NDUFS7: variants seen among roughly 807,000 people sequenced by gnomAD.
NDUFS7 encodes the protein NADH dehydrogenase [ubiquinone] iron-sulfur protein 7, mitochondrial.
In NDUFS7, 11 loss-of-function variants were observed where a neutral mutation model predicts 31.1. The observed-to-expected ratio is 0.35, with a 90% CI of 0.22 to 0.59. The LOEUF is 0.59. Ranked by LOEUF, NDUFS7 falls within the 20% of genes least tolerant of loss-of-function variation. The probability of loss-of-function intolerance (pLI) is 0.79; values close to 1 mark genes in which losing one functional copy is unlikely to be tolerated. For missense variants in NDUFS7, 263 were observed against 324.2 expected, an observed-to-expected ratio of 0.81 and a Z score of 1.45; for synonymous variants, 136 against 127.9, an observed-to-expected ratio of 1.06 and a Z score of -0.43.
At position 1,391,059 on chromosome 19, in the gene NDUFS7, C is replaced by T. The variant is rs370280943; in HGVS notation, c.408+9C>T. ...CCCCAGCGCTTCGCAAGGTAGGCCT[C>T]GTCCCAGCCGCCCAGCCGCCCCCAG... On this transcript the variant is annotated intron_variant, in intron 5 of 7. Coordinates refer to ENST00000233627, the MANE Select transcript of NDUFS7 (RefSeq NM_024407.5). The T allele has an allele frequency of 2.8e-5, 45 of 1,612,956 alleles. No homozygotes were observed. The African/African-American group carries it at 3.6e-4, about 13-fold the overall frequency.
chr19:1,393,167 T>TG lies in NDUFS7; in HGVS notation c.456-71dup. 8.7e-7 allele frequency: 1 copy of TG among 1,148,064 alleles called. No individual in the cohort carries two copies. Among genetic ancestry groups the TG allele is most frequent in the South Asian group, 1.3e-5 (1 of 75,800 alleles). The allele number at this position is 1,148,064 out of a possible 1,614,324, so 71.1% of individuals were successfully genotyped here. A position where few individuals can be genotyped will look rare whatever the true frequency, so the allele number is the denominator to read the frequency against. On this transcript the variant is annotated intron_variant, in intron 6 of 7. Coordinates refer to ENST00000233627, the MANE Select transcript of NDUFS7 (RefSeq NM_024407.5). The surrounding 1 kb of genome is among the most constrained non-coding windows in gnomAD (Gnocchi z 7.3). ...GCCTGCAGTTGAAGGCGGGTGGGGA[T>TG]GGGGCGAGGCCTCGTGGAGGGAGGG...
intron 4 of NDUFS7, chr19:1,389,193 A>G: frequency 2.9e-6 from 2 of 689,126 alleles, no homozygotes; most frequent in Non-Finnish European, 5.3e-6. Flanking sequence ...ACACAAGCAC[A>G]TGTGCACACA....
In NDUFS7 at chr19:1,394,628, C is replaced by T. The variant is rs147288325; in HGVS notation, c.545-763C>T. The T allele has an allele frequency of 2.1e-4, 249 of 1,186,200 alleles. No individual in the cohort carries two copies. The African/African-American group carries it at 3.1e-3, about 15-fold the overall frequency. 73.5% of individuals were successfully genotyped at this position (1,186,200 alleles called of 1,614,324 possible). Reference sequence around the variant, plus strand: ...ACCGCGCCCCTCCCTCCCAGCGGACCGCGCTCCTCCCTCCCTGGGGACCTC... The same window carrying T: ...ACCGCGCCCCTCCCTCCCAGCGGACTGCGCTCCTCCCTCCCTGGGGACCTC... On this transcript the variant is annotated intron_variant, in intron 7 of 7. Transcript: ENST00000233627.
chr19:1,389,547 G>T (rs774489868), intron 4 of NDUFS7: 1 of 456,496 alleles, frequency 2.2e-6, no homozygotes, highest in Non-Finnish European at 4.4e-6. Context: ...TCTTTCTGGC[G>T]TCCGTGTGTT....
chr19:1,393,294 T>A lies in NDUFS7; in HGVS notation c.508T>A (p.Cys170Ser). 6.3e-7 allele frequency: 1 copy of A among 1,589,170 alleles called. No homozygotes were observed. The highest frequency in any genetic ancestry group is 1.8e-5 in the Admixed American group (1 of 56,704). ...YHYSYSVVRG[C>S]DRIVPVDIYI... is the part of the protein sequence containing the mutation. ...CTATTCCTACTCGGTGGTGAGGGGC[T>A]GCGACCGCATCGTGCCCGTGGACAT... The change falls in exon 7 of 8, where the codon TGC (cysteine) becomes AGC (serine). Residue 170 changes from cysteine to serine, a missense_variant. Transcript: ENST00000233627. This position sits in a 1 kb window ranked among gnomAD's most constrained non-coding sequence, Gnocchi z 7.3.
intron 4 of NDUFS7, chr19:1,389,204 CGCTTGCACACATACACACAT>C: frequency 1.5e-6 from 1 of 687,452 alleles, no homozygotes; most frequent in Non-Finnish European, 2.7e-6. Context: ...TGTGCACACA[CGCTTGCACACATACACACAT>C]GCACACTTGC....
At chr19:1,388,426 C>A in intron 2 of NDUFS7, 99 bp from the exon 3 acceptor site, 1 of 1,127,560 alleles carries the variant, frequency 8.9e-7, no homozygotes, top group Non-Finnish European at 1.3e-6. Context: ...TGAGAACAGT[C>A]TCGCAGCAGG....
At position 1,393,173 on chromosome 19, in the gene NDUFS7, G is replaced by A. The variant is rs1177149026; in HGVS notation, c.456-69G>A. On this transcript the variant is annotated intron_variant, in intron 6 of 7. Transcript: ENST00000233627. This position sits in a 1 kb window ranked among gnomAD's most constrained non-coding sequence, Gnocchi z 7.3. ...AGTTGAAGGCGGGTGGGGATGGGGC[G>A]AGGCCTCGTGGAGGGAGGGTGGGCA... is the stretch of plus-strand genomic sequence containing the variant. 3.4e-5 allele frequency: 45 copies of A among 1,314,724 alleles called. No homozygotes were observed. The highest frequency in any genetic ancestry group is 4.2e-5 in the Non-Finnish European group (40 of 942,304). The allele number at this position is 1,314,724 out of a possible 1,614,324, so 81.4% of individuals were successfully genotyped here.
chr19:1,388,669 C>A, intron 3 of NDUFS7, 76 bp downstream of exon 3: 1 of 1,509,854 alleles, frequency 6.6e-7, no homozygotes, highest in East Asian at 2.4e-5. Context: ...GCATCAGTGC[C>A]GCAGCCACTG....
At chr19:1,387,933 G>GGGCCCCCC in intron 2 of NDUFS7, 86 bp downstream of exon 2, 3 of 385,714 alleles carry the variant, frequency 7.8e-6, no homozygotes, top group East Asian at 8.5e-5. Context: ...GGGGTGGGGG[G>GGGCCCCCC]AGCGCCTTGT....
chr19:1,391,486 CTTT>C (rs11287297), intron 6 of NDUFS7, among the ~76,000 whole-genome samples: 92 of 122,674 alleles, frequency 7.5e-4, no homozygotes, highest in Non-Finnish European at 1.1e-3. Flanking sequence ...AGTTTTTTTT[CTTT>C]TTTTTTTTTT....
Position 1,394,499 on chromosome 19 carries a change from CCTT to C in NDUFS7, c.545-891_545-889del. 12 of 1,268,588 alleles carry C rather than the reference CCTT, an allele frequency of 9.5e-6. No homozygotes were observed. In the South Asian group the frequency reaches 1.3e-4, roughly 14 times the overall value. The allele number at this position is 1,268,588 out of a possible 1,614,324, so 78.6% of individuals were successfully genotyped here. A position where few individuals can be genotyped will look rare whatever the true frequency, so the allele number is the denominator to read the frequency against. On this transcript the variant is annotated intron_variant, in intron 7 of 7. Coordinates refer to ENST00000233627, the MANE Select transcript of NDUFS7 (RefSeq NM_024407.5). ...CTGTCTGGGGACTGCGCTCCTCCCT[CCTT>C]GGGGACCGTGCTCCTCCCTCCCTCC... is the stretch of plus-strand genomic sequence containing the variant.
At chr19:1,385,814 C>T (rs1188700141) in intron 1 of NDUFS7, among the ~76,000 whole-genome samples, 3 of 152,138 alleles carry the variant, frequency 2.0e-5, no homozygotes, top group East Asian at 3.8e-4. Context: ...AGCGAAACTC[C>T]GTCTCAAAAC....
Position 1,388,636 on chromosome 19 carries a change from C to T in NDUFS7, c.122+43C>T, listed in dbSNP as rs745812336. On this transcript the variant is annotated intron_variant, in intron 3 of 7. Transcript: ENST00000233627. Reference sequence around the variant, plus strand: ...GGGGAGGTCGTACCCCCTCGCCCCACCCCCATCCCTTCCTTATTTTCTGCA... The same window carrying T: ...GGGGAGGTCGTACCCCCTCGCCCCATCCCCATCCCTTCCTTATTTTCTGCA... 7 of 1,580,560 alleles carry T rather than the reference C, an allele frequency of 4.4e-6. No homozygotes were observed. The Admixed American group carries it at 8.5e-5, about 19-fold the overall frequency.
intron 1 of NDUFS7, among the ~76,000 whole-genome samples, chr19:1,385,539 C>T (rs1275340994): frequency 6.6e-6 from 1 of 151,058 alleles, no homozygotes; most frequent in Non-Finnish European, 1.5e-5. Flanking sequence ...AACAAACCAG[C>T]TGGGCGTGGT....
In NDUFS7 at chr19:1,390,775, A is replaced by G. The variant is rs1399320352; in HGVS notation, c.229-96A>G. On this transcript the variant is annotated intron_variant, in intron 4 of 7. Transcript: ENST00000233627. ...CACCTCTGCCGGCTGCCGCCCCGGG[A>G]CATGAGTCGGGGGTTCTGGGTGCTC... The G allele has an allele frequency of 9.9e-6, 14 of 1,416,288 alleles. No homozygotes were observed. In the Admixed American group the frequency reaches 2.3e-4, roughly 23 times the overall value. The allele number at this position is 1,416,288 out of a possible 1,614,324, so 87.7% of individuals were successfully genotyped here. A position where few individuals can be genotyped will look rare whatever the true frequency, so the allele number is the denominator to read the frequency against.
chr19:1,388,101 C>T (rs2082521961), intron 2 of NDUFS7: 3 of 608,844 alleles, frequency 4.9e-6, no homozygotes, highest in Non-Finnish European at 8.8e-6. Flanking sequence ...TCAGAGCTCA[C>T]CGCCACCTGG....
chr19:1,383,939 T>C lies in NDUFS7; in HGVS notation c.13T>C (p.Ser5Pro). 6.3e-7 allele frequency: 1 copy of C among 1,578,354 alleles called. No individual in the cohort carries two copies. Among genetic ancestry groups the C allele is most frequent in the South Asian group, 1.2e-5 (1 of 86,314 alleles). ...GGCCGAGGCCAAGATGGCGGTGCTG[T>C]CAGGTGAGCGCGGCACCGGCGGCGG... Reference protein sequence around the residue: MAVLSAPGLRGFRIL... With the variant: MAVLPAPGLRGFRIL... Residue 5 changes from serine (S) to proline (P), a missense_variant, in exon 1 of 8, where the codon TCA becomes CCA. By Grantham distance (74) the Ser-to-Pro change is moderately conservative. Coordinates refer to ENST00000233627, the MANE Select transcript of NDUFS7 (RefSeq NM_024407.5).
intron 1 of NDUFS7, among the ~76,000 whole-genome samples, chr19:1,384,942 G>A (rs1475965902): frequency 6.6e-6 from 1 of 152,148 alleles, no homozygotes; most frequent in African/African-American, 2.4e-5. Context: ...AGTGTCCTGT[G>A]TAGCTGGGAC....
Sources: allele counts gnomAD v4.1 joint callset (sites outside exome capture counted in the v4.1 genomes callset), GRCh38; gene constraint gnomAD v4.1.1; non-coding constraint Gnocchi (gnomAD v3.1); transcripts MANE v1.5; gene names NCBI Gene and HGNC (gene_info 2026-07-23, HGNC 2026-07-21).